SNX4: variants seen among roughly 807,000 people sequenced by gnomAD.
SNX4 encodes the protein sorting nexin 4.
SNX4 carries 49 observed loss-of-function variants against 70.8 expected under a neutral mutation model. That is an observed-to-expected ratio of 0.69 (90% confidence interval 0.55 to 0.88). SNX4 has a LOEUF of 0.88. Ranked by LOEUF, SNX4 falls within the 40% of genes least tolerant of loss-of-function variation. The probability of loss-of-function intolerance (pLI) is 0.00; values close to 1 mark genes in which losing one functional copy is unlikely to be tolerated. For missense variants in SNX4, 528 were observed against 544.8 expected (o/e 0.97, Z 0.31); for synonymous variants, 206 against 183.8 (o/e 1.12, Z -0.98).
intron 1 of SNX4, 79 bp from the exon 2 acceptor site, chr3:125,504,823 T>C (rs951880066): frequency 6.8e-7 from 1 of 1,475,854 alleles, no homozygotes; most frequent in Non-Finnish European, 9.1e-7. Flanking sequence ...CTATATAAAT[T>C]AAACCCATTA....
intron 11 of SNX4, among the ~76,000 whole-genome samples, chr3:125,456,603 T>C (rs1933722590): frequency 6.6e-6 from 1 of 152,164 alleles, no homozygotes; most frequent in Non-Finnish European, 1.5e-5. Context: ...GCCCTGATCA[T>C]ACCACTGCAC....
chr3:125,512,908 G>A (rs754908759), intron 1 of SNX4, among the ~76,000 whole-genome samples: 23 of 152,096 alleles, frequency 1.5e-4, no homozygotes, highest in Non-Finnish European at 3.4e-4. Flanking sequence ...GATTACAGGT[G>A]TGTACCACCA....
chr3:125,488,136 A>G (rs944071582), intron 6 of SNX4, among the ~76,000 whole-genome samples: 1 of 147,456 alleles, frequency 6.8e-6, no homozygotes, highest in East Asian at 2.0e-4. Flanking sequence ...TAACTCTACT[A>G]AACCTGTAAC....
At chr3:125,486,465 T>G (rs1022461433) in intron 6 of SNX4, among the ~76,000 whole-genome samples, 1 of 152,068 alleles carries the variant, frequency 6.6e-6, no homozygotes, top group Non-Finnish European at 1.5e-5. Context: ...TTATTTCTAC[T>G]AGGGACAGGA....
rs909194187 is a variant in SNX4 at position 125,447,699 on chromosome 3, G to A, written c.*80C>T. The A allele has an allele frequency of 1.6e-5, 15 of 916,372 alleles. No individual in the cohort carries two copies. In the African/African-American group the frequency reaches 2.5e-4, roughly 15 times the overall value. The allele number at this position is 916,372 out of a possible 1,614,324, so 56.8% of individuals were successfully genotyped here. ...TTATTGTATATGTTTATGTATACTA[G>A]GTAGTGACTTAAATTTCTTTTATTT... On this transcript the variant is annotated 3_prime_UTR_variant, in exon 14 of 14. Transcript: ENST00000251775.
chr3:125,478,279 A>T (rs190629876), intron 7 of SNX4, among the ~76,000 whole-genome samples: 4 of 152,044 alleles, frequency 2.6e-5, no homozygotes, highest in African/African-American at 7.2e-5. Context: ...CATGCTGGTC[A>T]GGCTGGTCTC....
intron 1 of SNX4, among the ~76,000 whole-genome samples, chr3:125,510,558 C>T (rs1935148662): frequency 6.6e-6 from 1 of 152,050 alleles, no homozygotes; most frequent in African/African-American, 2.4e-5. Context: ...GATATATATA[C>T]AAACAATGGA....
At chr3:125,473,529 C>T (rs1934224748) in intron 8 of SNX4, among the ~76,000 whole-genome samples, 1 of 152,144 alleles carries the variant, frequency 6.6e-6, no homozygotes, top group Non-Finnish European at 1.5e-5. Context: ...ATTTTCCCAC[C>T]TCAGCCTCCC....
chr3:125,476,370 G>A (rs564677694), intron 8 of SNX4, among the ~76,000 whole-genome samples: 4 of 150,370 alleles, frequency 2.7e-5, no homozygotes, highest in African/African-American at 7.4e-5. Context: ...TCAGGAGTTC[G>A]AGACCAGCCT....
At position 125,449,431 on chromosome 3, in the gene SNX4, A is replaced by G. The variant is rs532069615; in HGVS notation, c.1306-1605T>C. 2.4e-4 allele frequency among the ~76,000 whole-genome samples: 37 copies of G among 151,736 alleles called. No homozygotes were observed. In the East Asian group the frequency reaches 6.0e-3, roughly 25 times the overall value. ...GAGACTCTGTCTCAAAAAAAAAAAAAAGAAAGAAAGAAAGAAAGAAGGTCT... is the reference window on the plus strand; with the variant it reads ...GAGACTCTGTCTCAAAAAAAAAAAAGAGAAAGAAAGAAAGAAAGAAGGTCT... On this transcript the variant is annotated intron_variant, in intron 13 of 13. Transcript: ENST00000251775.
Position 125,447,612 on chromosome 3 carries a change from A to C in SNX4, c.*167T>G. On this transcript the variant is annotated 3_prime_UTR_variant, in exon 14 of 14. Transcript: ENST00000251775. ...TATAATATTTAATCTTCATTAAAAT[A>C]TATTTTTTGTGCTACATTAACACGA... 1 of 485,608 alleles carries C rather than the reference A, an allele frequency of 2.1e-6. No homozygotes were observed. The highest frequency in any genetic ancestry group is 3.6e-6 in the Non-Finnish European group (1 of 280,672). The allele number at this position is 485,608 out of a possible 1,614,324, so 30.1% of individuals were successfully genotyped here.
rs71148182 is a variant in SNX4, at chr3:125,506,817, TAAAAAAAAAAAAAAAAAAAAAA to T, written c.142-2095_142-2074del. ...AACTTAAAGAAAGATGTGGAGAAAG[TAAAAAAAAAAAAAAAAAAAAAA>T]AAAAAAAAAAAAAAAAGATGTATGA... On this transcript the variant is annotated intron_variant, in intron 1 of 13. Transcript: ENST00000251775. Among the ~76,000 whole-genome samples the T allele has an allele frequency of 1.1e-3, 29 of 26,834 alleles. 1 individual carries two copies. In the East Asian group the frequency reaches 0.033, roughly 30 times the overall value. 17.6% of individuals were successfully genotyped at this position (26,834 alleles called of 152,430 possible).
chr3:125,459,094 T>G, intron 10 of SNX4, among the ~76,000 whole-genome samples: 1 of 151,850 alleles, frequency 6.6e-6, no homozygotes, highest in Non-Finnish European at 1.5e-5. Context: ...GAATCACTTG[T>G]ACCCAGGAGG....
At chr3:125,479,216 G>A (rs1163928401) in intron 7 of SNX4, among the ~76,000 whole-genome samples, 3 of 151,924 alleles carry the variant, frequency 2.0e-5, no homozygotes, top group South Asian at 4.2e-4. Context: ...ACTGCTCATC[G>A]GTGGACTCTT....
At chr3:125,458,868 G>A (rs1157350616) in intron 10 of SNX4, among the ~76,000 whole-genome samples, 11 of 91,312 alleles carry the variant, frequency 1.2e-4, no homozygotes, top group Non-Finnish European at 1.9e-4. Context: ...TTCTAATACA[G>A]CAATGCACAA....
At chr3:125,462,556 A>G (rs766133740) in intron 9 of SNX4, among the ~76,000 whole-genome samples, 7 of 134,274 alleles carry the variant, frequency 5.2e-5, no homozygotes, top group Non-Finnish European at 1.1e-4. Context: ...GTGCCATTGT[A>G]TTCAAGCTGG....
At chr3:125,467,940 C>T (rs867127743) in intron 9 of SNX4, among the ~76,000 whole-genome samples, 1 of 152,178 alleles carries the variant, frequency 6.6e-6, no homozygotes, top group South Asian at 2.1e-4. Context: ...TACATGCACG[C>T]CTGTGTTCAC....
intron 1 of SNX4, among the ~76,000 whole-genome samples, chr3:125,510,520 C>G (rs566333509): frequency 1.6e-4 from 25 of 152,062 alleles, no homozygotes; most frequent in Admixed American, 1.6e-3. Context: ...TGAGCCACCG[C>G]GCCCGGCTGA....
In SNX4 at chr3:125,497,831, T is replaced by C. The variant is rs761519612; in HGVS notation, c.549+3A>G. The C allele has an allele frequency of 6.3e-7, 1 of 1,575,446 alleles. No homozygotes were observed. Among genetic ancestry groups the C allele is most frequent in the South Asian group, 1.2e-5 (1 of 83,870 alleles). ...TTACTAAGACTAAATAAAAGAAAAA[T>C]ACCTGTGTTAAAAACAGATAGAAGA... On this transcript the variant is annotated splice_donor_region_variant and intron_variant, in intron 4 of 13. Coordinates refer to ENST00000251775, the MANE Select transcript of SNX4 (RefSeq NM_003794.4).
Sources: allele counts gnomAD v4.1 joint callset (sites outside exome capture counted in the v4.1 genomes callset), GRCh38; gene constraint gnomAD v4.1.1; transcripts MANE v1.5; gene names NCBI Gene and HGNC (gene_info 2026-07-23, HGNC 2026-07-21).